Variants in NRXN3 observed in about 807,000 individuals in gnomAD.
NRXN3 encodes the protein neurexin 3, also known as neurexin III.
A neutral mutation model predicts 137.6 loss-of-function variants in NRXN3; 32 were observed. The observed-to-expected ratio is 0.23, with a 90% CI of 0.18 to 0.31. The LOEUF is 0.31. Among genes scored for constraint, NRXN3 ranks in the 10% least tolerant of loss-of-function variants. The pLI is 1.00. For synonymous variants in NRXN3, 798 were observed against 784.5 expected (o/e 1.02, Z -0.29); for missense variants, 1,574 against 2,062.5 (o/e 0.76, Z 4.59).
At chr14:78,515,510 A>T (rs779585955) in intron 4 of NRXN3, among the ~76,000 whole-genome samples, 2 of 152,176 alleles carry the variant, frequency 1.3e-5, no homozygotes, top group African/African-American at 2.4e-5. Context: ...GCCTATGAAA[A>T]AGCAGTTTAA....
intron 4 of NRXN3, among the ~76,000 whole-genome samples, chr14:78,469,894 C>T (rs1233551299): frequency 6.6e-6 from 1 of 152,172 alleles, no homozygotes; most frequent in Non-Finnish European, 1.5e-5. Context: ...TGATTTTGTC[C>T]CGTTAGTCTG....
intron 15 of NRXN3, among the ~76,000 whole-genome samples, chr14:79,346,051 A>G (rs1223542081): frequency 6.6e-6 from 1 of 152,140 alleles, no homozygotes; most frequent in East Asian, 1.9e-4. Flanking sequence ...ATTCCCCTAA[A>G]TGATCTTCTT....
intron 15 of NRXN3, among the ~76,000 whole-genome samples, chr14:79,358,609 G>GAGAAAGAAAGAAAGAA (rs1566902282): frequency 3.7e-5 from 2 of 53,356 alleles, no homozygotes; most frequent in Admixed American, 4.2e-4. Flanking sequence ...GAAAGAAAGA[G>GAGAAAGAAAGAAAGAA]AAAGAAAGAA....
At chr14:79,126,238 C>A (rs368396791) in intron 15 of NRXN3, among the ~76,000 whole-genome samples, 116 of 151,802 alleles carry the variant, frequency 7.6e-4, no homozygotes, top group Non-Finnish European at 1.2e-3. Context: ...GGTTAGTTAC[C>A]TATGTATACA....
At chr14:78,241,123 G>A (rs2067024498) in intron 1 of NRXN3, among the ~76,000 whole-genome samples, 3 of 152,170 alleles carry the variant, frequency 2.0e-5, no homozygotes, top group Admixed American at 2.0e-4. Flanking sequence ...GAACTATCCA[G>A]TGTCACTCTA....
intron 4 of NRXN3, among the ~76,000 whole-genome samples, chr14:78,638,414 C>G (rs1266566089): frequency 1.3e-5 from 2 of 152,122 alleles, no homozygotes; most frequent in African/African-American, 4.8e-5. Context: ...AGCTTGATCT[C>G]TCTTAATGCT....
intron 16 of NRXN3, among the ~76,000 whole-genome samples, chr14:79,553,790 T>C (rs912574429): frequency 1.3e-5 from 2 of 152,182 alleles, no homozygotes; most frequent in African/African-American, 2.4e-5. Context: ...ATCTTATTCA[T>C]TGGTTAGCCC....
chr14:79,023,421 A>T (rs2099593024), intron 15 of NRXN3, among the ~76,000 whole-genome samples: 1 of 152,130 alleles, frequency 6.6e-6, no homozygotes, highest in Non-Finnish European at 1.5e-5. Flanking sequence ...TTTCTGAAAA[A>T]AAGCAAAGCA....
At chr14:79,406,448 C>T (rs1252324274) in intron 15 of NRXN3, among the ~76,000 whole-genome samples, 1 of 151,976 alleles carries the variant, frequency 6.6e-6, no homozygotes, top group East Asian at 1.9e-4. Context: ...ATCACAGTTG[C>T]ATGCCACAGT....
intron 15 of NRXN3, among the ~76,000 whole-genome samples, chr14:79,321,972 C>T (rs1319259619): frequency 6.6e-6 from 1 of 151,604 alleles, no homozygotes; most frequent in African/African-American, 2.4e-5. Context: ...TATAGTGGCT[C>T]ATCATGCCTG....
chr14:79,445,546 T>C (rs1188263659), intron 15 of NRXN3, among the ~76,000 whole-genome samples: 2 of 152,018 alleles, frequency 1.3e-5, no homozygotes, highest in African/African-American at 4.8e-5. Flanking sequence ...GCTCATGGGA[T>C]AGAAAATTAC....
intron 4 of NRXN3, among the ~76,000 whole-genome samples, chr14:78,382,383 G>C (rs1014246396): frequency 6.6e-6 from 1 of 152,226 alleles, no homozygotes; most frequent in Admixed American, 6.5e-5. Flanking sequence ...AGAACAGAGA[G>C]AGGATTTTTG....
chr14:79,135,694 G>A (rs2058149581), intron 15 of NRXN3, among the ~76,000 whole-genome samples: 1 of 152,220 alleles, frequency 6.6e-6, no homozygotes, highest in South Asian at 2.1e-4. Flanking sequence ...TGTTAAAGGA[G>A]CAAAGATCTG....
Position 79,693,948 on chromosome 14 carries a change from T to A in NRXN3, c.3706+1686T>A, listed in dbSNP as rs182882934. ...TTTGTTGTAATTTGGGTGAGTAACA[T>A]CTATGCATTCTATTGTCTTACCTCT... is the stretch of plus-strand genomic sequence containing the variant. On this transcript the variant is annotated intron_variant, in intron 18 of 20. Coordinates refer to ENST00000335750, the MANE Select transcript of NRXN3 (RefSeq NM_001330195.2). Among the ~76,000 whole-genome samples, 16 of 152,144 alleles carry A rather than the reference T, an allele frequency of 1.1e-4. No homozygotes were observed. The East Asian group carries it at 3.1e-3, about 29-fold the overall frequency.
intron 15 of NRXN3, among the ~76,000 whole-genome samples, chr14:79,069,120 T>C (rs992960273): frequency 4.6e-5 from 7 of 152,060 alleles, no homozygotes; most frequent in Admixed American, 6.6e-5. Context: ...GCGACAGCAC[T>C]GTTGGCTAAA....
intron 8 of NRXN3, among the ~76,000 whole-genome samples, chr14:78,751,206 A>C (rs983750835): frequency 2.0e-5 from 3 of 152,212 alleles, no homozygotes. Flanking sequence ...CATTGCAGAC[A>C]GGGAATTGAG....
chr14:79,496,430 A>C (rs1291910265), intron 16 of NRXN3, among the ~76,000 whole-genome samples: 1 of 152,186 alleles, frequency 6.6e-6, no homozygotes. Context: ...ATATTTTCAG[A>C]GACCAAAAAT....
At chr14:79,264,347 C>A (rs1309484675) in intron 15 of NRXN3, among the ~76,000 whole-genome samples, 1 of 152,170 alleles carries the variant, frequency 6.6e-6, no homozygotes, top group East Asian at 1.9e-4. Context: ...CCTTGGCCTC[C>A]CAGAGTGCTG....
chr14:79,674,112 G>C (rs957381830), intron 17 of NRXN3, among the ~76,000 whole-genome samples: 3 of 152,006 alleles, frequency 2.0e-5, no homozygotes, highest in Non-Finnish European at 4.4e-5. Context: ...ACAGGGGCGA[G>C]CATGGAATAC....
Sources: allele counts gnomAD v4.1 joint callset (sites outside exome capture counted in the v4.1 genomes callset), GRCh38; gene constraint gnomAD v4.1.1; transcripts MANE v1.5; gene names NCBI Gene and HGNC (gene_info 2026-07-23, HGNC 2026-07-21).